ROBO2: variants seen among roughly 807,000 people sequenced by gnomAD.
ROBO2 encodes the protein roundabout guidance receptor 2, also known as roundabout homolog 2.
ROBO2 carries 53 observed loss-of-function variants against 160.8 expected under a neutral mutation model. That is an observed-to-expected ratio of 0.33 (90% CI 0.26 to 0.41). ROBO2 has a LOEUF of 0.41. ROBO2 is among the 10% of genes least tolerant of loss of function. The pLI is 1.00. For missense variants in ROBO2, 1,577 were observed against 1,722.4 expected, an observed-to-expected ratio of 0.92 and a Z score of 1.49; for synonymous variants, 664 against 611.7, an observed-to-expected ratio of 1.09 and a Z score of -1.26.
intron 2 of ROBO2, among the ~76,000 whole-genome samples, chr3:76,412,160 T>C (rs2075520445): frequency 6.6e-6 from 1 of 152,144 alleles, no homozygotes; most frequent in African/African-American, 2.4e-5. Context: ...CCATCAGATC[T>C]TGTGAGATTT....
At chr3:76,721,669 A>G (rs2093469197) in intron 2 of ROBO2, among the ~76,000 whole-genome samples, 1 of 152,224 alleles carries the variant, frequency 6.6e-6, no homozygotes, top group Admixed American at 6.5e-5. Flanking sequence ...AACTTTTGTT[A>G]AAAAATTCCA....
intron 2 of ROBO2, among the ~76,000 whole-genome samples, chr3:76,758,081 G>A (rs1383098741): frequency 2.6e-5 from 4 of 151,680 alleles, no homozygotes; most frequent in African/African-American, 7.3e-5. Flanking sequence ...TTCATTAAAG[G>A]CAGTTTAGGA....
At chr3:76,398,617 T>A (rs2077621042) in intron 2 of ROBO2, among the ~76,000 whole-genome samples, 1 of 151,856 alleles carries the variant, frequency 6.6e-6, no homozygotes, top group South Asian at 2.1e-4. Context: ...CTAGGCAGTA[T>A]ACACTAAACT....
chr3:76,715,116 A>T (rs1194891412), intron 2 of ROBO2, among the ~76,000 whole-genome samples: 1 of 152,172 alleles, frequency 6.6e-6, no homozygotes, highest in African/African-American at 2.4e-5. Context: ...CTATAATTAG[A>T]CACAGAGAAA....
At chr3:77,286,108 T>C (rs2060575057) in intron 2 of ROBO2, among the ~76,000 whole-genome samples, 1 of 152,122 alleles carries the variant, frequency 6.6e-6, no homozygotes, top group African/African-American at 2.4e-5. Flanking sequence ...GCAGTGTGTT[T>C]TACAAAAATG....
At chr3:76,997,988 G>A (rs2061118250) in intron 2 of ROBO2, among the ~76,000 whole-genome samples, 1 of 152,030 alleles carries the variant, frequency 6.6e-6, no homozygotes, top group South Asian at 2.1e-4. Context: ...GAGCACAAAA[G>A]AACATAAATC....
intron 2 of ROBO2, among the ~76,000 whole-genome samples, chr3:77,470,628 A>G (rs187031323): frequency 6.6e-6 from 1 of 152,314 alleles, no homozygotes; most frequent in Admixed American, 6.5e-5. Flanking sequence ...AAGTGTCATT[A>G]TATGTGCCTG....
chr3:76,712,971 G>A (rs1393192663), intron 2 of ROBO2, among the ~76,000 whole-genome samples: 3 of 152,116 alleles, frequency 2.0e-5, no homozygotes, highest in East Asian at 3.9e-4. Flanking sequence ...AGTTTCACAA[G>A]GAGTAAGGAC....
intron 2 of ROBO2, among the ~76,000 whole-genome samples, chr3:76,726,160 C>A (rs2093549855): frequency 6.6e-6 from 1 of 152,064 alleles, no homozygotes. Flanking sequence ...CTTTTTCTGT[C>A]TCTCCCTGCA....
chr3:77,294,863 A>T (rs1392281002), intron 2 of ROBO2, among the ~76,000 whole-genome samples: 1 of 151,320 alleles, frequency 6.6e-6, no homozygotes, highest in Non-Finnish European at 1.5e-5. Context: ...AGGCTAGAAC[A>T]GTAAAGACAT....
At chr3:76,292,531 T>G (rs968396474) in intron 2 of ROBO2, among the ~76,000 whole-genome samples, 1 of 152,184 alleles carries the variant, frequency 6.6e-6, no homozygotes, top group African/African-American at 2.4e-5. Flanking sequence ...TTTACTTCCA[T>G]GTGTGGTTTA....
At chr3:76,755,948 G>A (rs1192153265) in intron 2 of ROBO2, among the ~76,000 whole-genome samples, 1 of 151,538 alleles carries the variant, frequency 6.6e-6, no homozygotes, top group Non-Finnish European at 1.5e-5. Context: ...CTCACCTAAT[G>A]GTATGAGAAG....
chr3:77,219,515 CTG>C (rs1170126269), intron 2 of ROBO2, among the ~76,000 whole-genome samples: 5 of 81,382 alleles, frequency 6.1e-5, no homozygotes, highest in Admixed American at 3.9e-4. Context: ...ATATATATAT[CTG>C]TGTGTGTGTA....
At chr3:76,427,224 ATTATGCATTCTGGTGAACAG>A (rs1292979332) in intron 2 of ROBO2, among the ~76,000 whole-genome samples, 1 of 150,540 alleles carries the variant, frequency 6.6e-6, no homozygotes, top group Non-Finnish European at 1.5e-5. Flanking sequence ...TCTGACATTT[ATTATGCATTCTGGTGAACAG>A]TTTTGACCTT....
intron 4 of ROBO2, among the ~76,000 whole-genome samples, chr3:77,491,166 C>T (rs1471289145): frequency 1.3e-5 from 2 of 152,114 alleles, no homozygotes; most frequent in African/African-American, 4.8e-5. Flanking sequence ...ACCAGCTTGA[C>T]CACTTAGTGA....
intron 5 of ROBO2, among the ~76,000 whole-genome samples, chr3:77,511,970 C>A (rs2089445827): frequency 6.6e-6 from 1 of 152,058 alleles, no homozygotes; most frequent in Admixed American, 6.6e-5. Flanking sequence ...AAGTTGCTTG[C>A]AACCTCATCC....
intron 2 of ROBO2, among the ~76,000 whole-genome samples, chr3:77,418,161 ATG>A (rs58845486): frequency 0.33 from 50,615 of 151,734 alleles, 8,625 homozygotes; most frequent in Middle Eastern, 0.38. Flanking sequence ...ACAGAAAAGT[ATG>A]TGAAAAAGTC....
At chr3:76,638,193 G>A (rs1190960940) in intron 2 of ROBO2, among the ~76,000 whole-genome samples, 1 of 152,152 alleles carries the variant, frequency 6.6e-6, no homozygotes, top group Non-Finnish European at 1.5e-5. Context: ...GCCCTCACAT[G>A]AATGCATTTG....
intron 2 of ROBO2, among the ~76,000 whole-genome samples, chr3:76,371,263 C>T (rs1202152060): frequency 6.6e-6 from 1 of 151,920 alleles, no homozygotes; most frequent in Non-Finnish European, 1.5e-5. Flanking sequence ...CTTTGGGTAT[C>T]ATGTGTTTAT....
Sources: allele counts gnomAD v4.1 joint callset (sites outside exome capture counted in the v4.1 genomes callset), GRCh38; gene constraint gnomAD v4.1.1; transcripts MANE v1.5; gene names NCBI Gene and HGNC (gene_info 2026-07-23, HGNC 2026-07-21).